Variants in USP34 observed in about 807,000 individuals in gnomAD.
USP34 encodes ubiquitin carboxyl-terminal hydrolase 34.
In USP34, 70 loss-of-function variants were observed where a neutral mutation model predicts 460.3. That is an observed-to-expected ratio of 0.15 (90% CI 0.13 to 0.19). The LOEUF (loss-of-function observed/expected upper bound fraction) is 0.19. USP34 is among the 10% of genes least tolerant of loss of function. The pLI is 1.00. For missense variants in USP34, 3,985 were observed against 4,236.2 expected (o/e 0.94, Z 1.65); for synonymous variants, 1,647 against 1,405.3 (o/e 1.17, Z -3.85).
intron 33 of USP34, among the ~76,000 whole-genome samples, chr2:61,290,589 A>C (rs114002757): frequency 0.01 from 1,562 of 152,248 alleles, 34 homozygotes; most frequent in African/African-American, 0.036. Context: ...CAATTACATG[A>C]AATTTTATAA....
At chr2:61,204,851 T>C (rs1023198588) in intron 72 of USP34, among the ~76,000 whole-genome samples, 1 of 152,164 alleles carries the variant, frequency 6.6e-6, no homozygotes, top group African/African-American at 2.4e-5. Context: ...GTTTTAAGTA[T>C]GAGATATTTT....
chr2:61,458,581 T>C (rs1487696147), intron 1 of USP34, among the ~76,000 whole-genome samples: 9 of 106,784 alleles, frequency 8.4e-5, no homozygotes, highest in African/African-American at 1.8e-4. Flanking sequence ...AAAAAAGGTA[T>C]GTATAAAGGC....
At chr2:61,307,110 A>G (rs1318593843) in intron 27 of USP34, among the ~76,000 whole-genome samples, 1 of 152,134 alleles carries the variant, frequency 6.6e-6, no homozygotes, top group Non-Finnish European at 1.5e-5. Flanking sequence ...TGTGGCACAT[A>G]TACACCATGG....
intron 43 of USP34, among the ~76,000 whole-genome samples, chr2:61,263,141 TG>T (rs1404840103): frequency 1.3e-5 from 2 of 149,236 alleles, no homozygotes; most frequent in Non-Finnish European, 3.0e-5. Flanking sequence ...CCCGAGTAGC[TG>T]GGACTACAGG....
chr2:61,193,116 G>GA, intron 75 of USP34, 136 bp from the exon 76 acceptor site: 1 of 660,802 alleles, frequency 1.5e-6, no homozygotes. Context: ...ACATAAAGGG[G>GA]AAAAATTCAT....
intron 5 of USP34, among the ~76,000 whole-genome samples, chr2:61,390,644 T>C (rs1255862339): frequency 1.3e-5 from 2 of 152,222 alleles, no homozygotes; most frequent in Non-Finnish European, 1.5e-5. Context: ...TGCTAAAGTT[T>C]TTGAGATTGA....
At chr2:61,394,533 CAAAAAAAAAAA>C (rs200686763) in intron 5 of USP34, among the ~76,000 whole-genome samples, 3 of 110,090 alleles carry the variant, frequency 2.7e-5, no homozygotes, top group South Asian at 2.8e-4. Flanking sequence ...CCCTCTCTCT[CAAAAAAAAAAA>C]AAAAAAAAAA....
intron 41 of USP34, among the ~76,000 whole-genome samples, chr2:61,271,323 T>C (rs953359587): frequency 2.0e-5 from 3 of 152,196 alleles, no homozygotes; most frequent in Non-Finnish European, 2.9e-5. Flanking sequence ...ATCATGTCAA[T>C]GCAATCTGAT....
intron 10 of USP34, among the ~76,000 whole-genome samples, chr2:61,352,959 C>T (rs921556346): frequency 5.9e-5 from 9 of 152,118 alleles, no homozygotes; most frequent in Admixed American, 2.0e-4. Context: ...ATGTACTAGC[C>T]GAATCAGATG....
chr2:61,301,240 T>C, intron 28 of USP34, 80 bp from the exon 29 acceptor site: 1 of 1,514,566 alleles, frequency 6.6e-7, no homozygotes, highest in East Asian at 2.3e-5. Context: ...ATAGAATCAC[T>C]TAAAATTTTA....
chr2:61,457,236 A>G (rs1459964015), intron 1 of USP34, among the ~76,000 whole-genome samples: 1 of 152,164 alleles, frequency 6.6e-6, no homozygotes, highest in Non-Finnish European at 1.5e-5. Context: ...TGATCGTGCC[A>G]CTGCACTCTA....
At position 61,285,009 on chromosome 2, in the gene USP34, C is replaced by A. The variant is rs756434706; in HGVS notation, c.4750-52G>T. On this transcript the variant is annotated intron_variant, in intron 34 of 79. Transcript: ENST00000398571. The stretch of plus-strand genomic sequence containing the variant: ...TATTTAAATACAGCAAAAGGAAAAC[C>A]CTCAAAAAGCACTCAAGATTTAGTT... 4 of 1,423,352 alleles carry A rather than the reference C, an allele frequency of 2.8e-6. No individual in the cohort carries two copies. In the Admixed American group the frequency reaches 5.9e-5, roughly 21 times the overall value. The allele number at this position is 1,423,352 out of a possible 1,614,324, so 88.2% of individuals were successfully genotyped here. A position where few individuals can be genotyped will look rare whatever the true frequency, so the allele number is the denominator to read the frequency against.
chr2:61,363,548 A>C (rs1692334305), intron 10 of USP34, among the ~76,000 whole-genome samples: 1 of 152,226 alleles, frequency 6.6e-6, no homozygotes, highest in South Asian at 2.1e-4. Context: ...ACGGTAAATA[A>C]CACAGAAAAA....
chr2:61,237,775 CCT>C (rs1688112487), intron 53 of USP34, among the ~76,000 whole-genome samples: 1 of 150,822 alleles, frequency 6.6e-6, no homozygotes, highest in Non-Finnish European at 1.5e-5. Flanking sequence ...GGGGTTTTGC[CCT>C]GTTGCCCAGG....
At chr2:61,448,939 G>A (rs1302980375) in intron 1 of USP34, among the ~76,000 whole-genome samples, 1 of 152,208 alleles carries the variant, frequency 6.6e-6, no homozygotes, top group Non-Finnish European at 1.5e-5. Context: ...TGGATCACCT[G>A]AGGTTGGGAG....
At chr2:61,193,230 G>T in intron 75 of USP34, 1 of 301,622 alleles carries the variant, frequency 3.3e-6, no homozygotes, top group Admixed American at 5.0e-5. Flanking sequence ...CTTCTTTTTT[G>T]AGTATTAGAA....
intron 3 of USP34, among the ~76,000 whole-genome samples, chr2:61,398,500 C>T (rs528185077): frequency 1.5e-3 from 166 of 111,606 alleles, no homozygotes; most frequent in African/African-American, 5.4e-3. Flanking sequence ...GGGAAGGAGG[C>T]GGAAGCAGGG....
At chr2:61,242,874 G>A (rs1688308956) in intron 51 of USP34, among the ~76,000 whole-genome samples, 1 of 152,070 alleles carries the variant, frequency 6.6e-6, no homozygotes, top group Non-Finnish European at 1.5e-5. Flanking sequence ...TTGAGACGGA[G>A]TTTTGCTCAT....
At chr2:61,463,155 C>T (rs192139341) in intron 1 of USP34, among the ~76,000 whole-genome samples, 42 of 152,142 alleles carry the variant, frequency 2.8e-4, no homozygotes, top group East Asian at 2.3e-3. Context: ...TTTTATTAAA[C>T]GGTTCACTGC....
Sources: gnomAD v4.1 joint callset for allele counts (sites outside exome capture counted in the v4.1 genomes callset) on GRCh38, gnomAD v4.1.1 for gene constraint, MANE v1.5 for transcripts, NCBI Gene and HGNC (gene_info 2026-07-23, HGNC 2026-07-21) for gene names.